EDF1: variants seen among roughly 807,000 people sequenced by gnomAD.
EDF1 encodes the protein endothelial differentiation related factor 1, also known as endothelial differentiation-related factor 1.
Under a neutral mutation model 20.8 loss-of-function variants are expected in EDF1, and 5 were observed. The observed-to-expected ratio is 0.24, with a 90% CI of 0.13 to 0.51. The LOEUF is 0.51. Ranked by LOEUF, EDF1 falls within the 20% of genes least tolerant of loss-of-function variation. The probability of loss-of-function intolerance (pLI) is 0.97; values close to 1 mark genes in which losing one functional copy is unlikely to be tolerated. For synonymous variants in EDF1, 96 were observed against 78.5 expected, an observed-to-expected ratio of 1.22 and a Z score of -1.18; for missense variants, 137 against 197.8, an observed-to-expected ratio of 0.69 and a Z score of 1.84.
In EDF1 at chr9:136,862,248, G is replaced by C. The variant is rs754579901; in HGVS notation, c.*36C>G. 52 of 1,612,654 alleles carry C rather than the reference G, an allele frequency of 3.2e-5. No individual in the cohort carries two copies. Among genetic ancestry groups the C allele is most frequent in the Non-Finnish European group, 4.0e-5 (47 of 1,178,856 alleles). On this transcript the variant is annotated 3_prime_UTR_variant, in exon 5 of 5. Coordinates refer to ENST00000224073, the MANE Select transcript of EDF1 (RefSeq NM_003792.4). The surrounding 1 kb of genome is among the most constrained non-coding windows in gnomAD (Gnocchi z 4.1). ...CGGCCAAGGGGAACCGGCGGAACGA[G>C]ATCAGCTGGAGCGCACTGATTTCGA... is the stretch of plus-strand genomic sequence containing the variant.
Position 136,862,237 on chromosome 9 carries a change from C to G in EDF1, c.*47G>C. On this transcript the variant is annotated 3_prime_UTR_variant, in exon 5 of 5. Transcript: ENST00000224073. The surrounding 1 kb of genome is among the most constrained non-coding windows in gnomAD (Gnocchi z 4.1). ...AACGGAACTGGCGGCCAAGGGGAACCGGCGGAACGAGATCAGCTGGAGCGC... is the reference window on the plus strand; with the variant it reads ...AACGGAACTGGCGGCCAAGGGGAACGGGCGGAACGAGATCAGCTGGAGCGC... The G allele has an allele frequency of 6.2e-7, 1 of 1,611,524 alleles. No individual in the cohort carries two copies. The highest frequency in any genetic ancestry group is 8.5e-7 in the Non-Finnish European group (1 of 1,177,876).
rs760430175 is a variant in EDF1, at chr9:136,862,520, G to A, written c.386-175C>T. 51 of 1,608,082 alleles carry A rather than the reference G, an allele frequency of 3.2e-5. No homozygotes were observed. The highest frequency in any genetic ancestry group is 4.1e-5 in the Non-Finnish European group (48 of 1,179,574). On this transcript the variant is annotated intron_variant, in intron 4 of 4. Coordinates refer to ENST00000224073, the MANE Select transcript of EDF1 (RefSeq NM_003792.4). This position sits in a 1 kb window ranked among gnomAD's most constrained non-coding sequence, Gnocchi z 4.1. ...ATCTAATTTTGAAGAGGATGAGTCTGATCACCTTAGACAGCAGAGCATGAA... is the reference window on the plus strand; with the variant it reads ...ATCTAATTTTGAAGAGGATGAGTCTAATCACCTTAGACAGCAGAGCATGAA...
Position 136,862,508 on chromosome 9 carries a change from G to A in EDF1, c.386-163C>T, listed in dbSNP as rs1281406554. 1.9e-6 allele frequency: 3 copies of A among 1,610,656 alleles called. No homozygotes were observed. Among genetic ancestry groups the A allele is most frequent in the Non-Finnish European group, 2.5e-6 (3 of 1,179,784 alleles). The stretch of plus-strand genomic sequence containing the variant: ...CCTGGTTCCCACATCTAATTTTGAA[G>A]AGGATGAGTCTGATCACCTTAGACA... On this transcript the variant is annotated intron_variant, in intron 4 of 4. Transcript: ENST00000224073. The surrounding 1 kb of genome is among the most constrained non-coding windows in gnomAD (Gnocchi z 4.1).
In EDF1 at chr9:136,866,262, G is replaced by A. The variant is rs1281591353; in HGVS notation, c.-4C>T. On this transcript the variant is annotated 5_prime_UTR_variant, in exon 1 of 5. Coordinates refer to ENST00000224073, the MANE Select transcript of EDF1 (RefSeq NM_003792.4). ...TGTCCCAGTCGCTCTCGGCCATGGC[G>A]GGCGAAGACGAGCGTCCGTCCGGCG... 2.5e-6 allele frequency: 4 copies of A among 1,595,338 alleles called. No homozygotes were observed. Among genetic ancestry groups the A allele is most frequent in the East Asian group, 2.3e-5 (1 of 42,798 alleles).
chr9:136,864,797 G>C (rs1489068350), intron 1 of EDF1, among the ~76,000 whole-genome samples: 2 of 151,846 alleles, frequency 1.3e-5, no homozygotes, highest in Admixed American at 6.6e-5. Context: ...CTAATTTTTT[G>C]TATTTTTAGT....
In EDF1 at chr9:136,862,229, A is replaced by G; in HGVS notation, c.*55T>C. The G allele has an allele frequency of 6.2e-7, 1 of 1,610,218 alleles. No individual in the cohort carries two copies. The highest frequency in any genetic ancestry group is 1.1e-5 in the South Asian group (1 of 91,018). On this transcript the variant is annotated 3_prime_UTR_variant, in exon 5 of 5. Transcript: ENST00000224073. The surrounding 1 kb of genome is among the most constrained non-coding windows in gnomAD (Gnocchi z 4.1). ...GTGAGGAGAACGGAACTGGCGGCCA[A>G]GGGGAACCGGCGGAACGAGATCAGC...
intron 1 of EDF1, among the ~76,000 whole-genome samples, chr9:136,865,891 C>T (rs896045587): frequency 6.7e-6 from 1 of 150,276 alleles, no homozygotes; most frequent in African/African-American, 2.5e-5. Context: ...CGTCCGGTTC[C>T]CTGCTCCTCT....
rs759437860 is a variant in EDF1, at chr9:136,862,933, C to G, written c.358G>C (p.Val120Leu). 6.2e-7 allele frequency: 1 copy of G among 1,613,958 alleles called. No individual in the cohort carries two copies. Among genetic ancestry groups the G allele is most frequent in the Non-Finnish European group, 8.5e-7 (1 of 1,180,038 alleles). Residue 120 changes from valine (V) to leucine (L), a missense_variant, in exon 4 of 5, where the codon GTG becomes CTG. Val to Leu is a conservative substitution (Grantham distance 32). Transcript: ENST00000224073. The surrounding 1 kb of genome is among the most constrained non-coding windows in gnomAD (Gnocchi z 4.1). ...ATGGCCCGCTCGATTTTGCCAAGCA[C>G]CTGGTTATTGGGTATGGCCCGTCCG... ...ESGRAIPNNQ[V>L]LGKIERAIGL...
chr9:136,862,238 G>C lies in EDF1; in HGVS notation c.*46C>G. 1 of 1,611,904 alleles carries C rather than the reference G, an allele frequency of 6.2e-7. No individual in the cohort carries two copies. The highest frequency in any genetic ancestry group is 8.5e-7 in the Non-Finnish European group (1 of 1,178,158). On this transcript the variant is annotated 3_prime_UTR_variant, in exon 5 of 5. Coordinates refer to ENST00000224073, the MANE Select transcript of EDF1 (RefSeq NM_003792.4). This position sits in a 1 kb window ranked among gnomAD's most constrained non-coding sequence, Gnocchi z 4.1. ...ACGGAACTGGCGGCCAAGGGGAACCGGCGGAACGAGATCAGCTGGAGCGCA... is the reference window on the plus strand; with the variant it reads ...ACGGAACTGGCGGCCAAGGGGAACCCGCGGAACGAGATCAGCTGGAGCGCA...
In EDF1 at chr9:136,863,549, C is replaced by A; in HGVS notation, c.131-101G>T. 1 of 1,445,226 alleles carries A rather than the reference C, an allele frequency of 6.9e-7. No individual in the cohort carries two copies. 89.5% of individuals were successfully genotyped at this position (1,445,226 alleles called of 1,614,324 possible). A position where few individuals can be genotyped will look rare whatever the true frequency, so the allele number is the denominator to read the frequency against. On this transcript the variant is annotated intron_variant, in intron 2 of 4. Transcript: ENST00000224073. The surrounding 1 kb of genome is among the most constrained non-coding windows in gnomAD (Gnocchi z 4.5). ...CCAGACCCCAGAGGCTGCCTGAACT[C>A]AAGGGGACATGGGAACCCAGGCTGT...
At position 136,863,188 on chromosome 9, in the gene EDF1, C is replaced by T. The variant is rs1564392158; in HGVS notation, c.291+100G>A. The T allele has an allele frequency of 3.2e-5, 50 of 1,546,602 alleles. No individual in the cohort carries two copies. Among genetic ancestry groups the T allele is most frequent in the Non-Finnish European group, 4.1e-5 (47 of 1,145,842 alleles). ...TCCCGAGGCATTCCCTGCAGGGGAA[C>T]CAGGGGGGTGGAGCCCACCCTCCCC... On this transcript the variant is annotated intron_variant, in intron 3 of 4. Coordinates refer to ENST00000224073, the MANE Select transcript of EDF1 (RefSeq NM_003792.4). The surrounding 1 kb of genome is among the most constrained non-coding windows in gnomAD (Gnocchi z 4.5).
In EDF1 at chr9:136,863,890, T is replaced by G. The variant is rs749465515; in HGVS notation, c.79-19A>C. On this transcript the variant is annotated intron_variant, in intron 1 of 4. Transcript: ENST00000224073. This position sits in a 1 kb window ranked among gnomAD's most constrained non-coding sequence, Gnocchi z 4.5. ...AGATAGCCTAGAAAATTAGAAAACA[T>G]CAGTGGATCAAAATTAGCTTTGACA... 3 of 1,613,490 alleles carry G rather than the reference T, an allele frequency of 1.9e-6. No homozygotes were observed. The African/African-American group carries it at 4.0e-5, about 22-fold the overall frequency.
chr9:136,862,862 C>T lies in EDF1; in HGVS notation c.385+44G>A. The T allele has an allele frequency of 1.2e-6, 2 of 1,612,132 alleles. No individual in the cohort carries two copies. The highest frequency in any genetic ancestry group is 1.7e-6 in the Non-Finnish European group (2 of 1,179,930). On this transcript the variant is annotated intron_variant, in intron 4 of 4. Transcript: ENST00000224073. This position sits in a 1 kb window ranked among gnomAD's most constrained non-coding sequence, Gnocchi z 4.1. ...ACCAACCCCAGCTGGGAGCGGGTAG[C>T]CTCCCTGTTCAGCGGACCCGGCGAA...
Position 136,862,979 on chromosome 9 carries a change from C to T in EDF1, c.312G>A (p.Gln104=). 6.2e-7 allele frequency: 1 copy of T among 1,614,036 alleles called. No individual in the cohort carries two copies. Among genetic ancestry groups the T allele is most frequent in the African/African-American group, 1.3e-5 (1 of 75,076 alleles). Residue 104 remains glutamine, a synonymous_variant, in exon 4 of 5, where the codon CAG becomes CAA. Coordinates refer to ENST00000224073, the MANE Select transcript of EDF1 (RefSeq NM_003792.4). This position sits in a 1 kb window ranked among gnomAD's most constrained non-coding sequence, Gnocchi z 4.1. ...GTCCGCTCTCATAGTCCGCGATCAC[C>T]TGTGGCTTCTCATTGATTTTCTAAA... is the stretch of plus-strand genomic sequence containing the variant. ...DLATKINEKP[Q]VIADYESGRA...
At chr9:136,864,644 G>A (rs1376792759) in intron 1 of EDF1, among the ~76,000 whole-genome samples, 3 of 150,482 alleles carry the variant, frequency 2.0e-5, no homozygotes, top group Non-Finnish European at 3.0e-5. Context: ...TTTTTTTTGA[G>A]ACAGAGTCTC....
In EDF1 at chr9:136,863,278, G is replaced by A. The variant is rs375547795; in HGVS notation, c.291+10C>T. ...CAACCCCAGGAGTGAGAGCCCCGGCGCAGCCTCACCGTGGCCAGGTCCTTC... is the reference window on the plus strand; with the variant it reads ...CAACCCCAGGAGTGAGAGCCCCGGCACAGCCTCACCGTGGCCAGGTCCTTC... On this transcript the variant is annotated intron_variant, in intron 3 of 4. Coordinates refer to ENST00000224073, the MANE Select transcript of EDF1 (RefSeq NM_003792.4). This position sits in a 1 kb window ranked among gnomAD's most constrained non-coding sequence, Gnocchi z 4.5. 163 of 1,609,288 alleles carry A rather than the reference G, an allele frequency of 1.0e-4. No individual in the cohort carries two copies. Among genetic ancestry groups the A allele is most frequent in the African/African-American group, 9.9e-4 (74 of 74,972 alleles).
chr9:136,863,946 G>T lies in EDF1; in HGVS notation c.79-75C>A. ...CAGCACACACCAATTCAGGCCTGCT[G>T]TTAGCCAGTTAGCACACTGCTAAGG... On this transcript the variant is annotated intron_variant, in intron 1 of 4. Transcript: ENST00000224073. The surrounding 1 kb of genome is among the most constrained non-coding windows in gnomAD (Gnocchi z 4.5). 6.7e-7 allele frequency: 1 copy of T among 1,481,702 alleles called. No homozygotes were observed. The highest frequency in any genetic ancestry group is 9.4e-7 in the Non-Finnish European group (1 of 1,067,172). The allele number at this position is 1,481,702 out of a possible 1,614,324, so 91.8% of individuals were successfully genotyped here. A position where few individuals can be genotyped will look rare whatever the true frequency, so the allele number is the denominator to read the frequency against.
At position 136,863,193 on chromosome 9, in the gene EDF1, G is replaced by C. The variant is rs542461083; in HGVS notation, c.291+95C>G. 1.2e-5 allele frequency: 19 copies of C among 1,545,490 alleles called. No individual in the cohort carries two copies. The highest frequency in any genetic ancestry group is 2.3e-4 in the Middle Eastern group (1 of 4,260). ...AGGCATTCCCTGCAGGGGAACCAGGGGGGTGGAGCCCACCCTCCCCGTGCT... is the reference window on the plus strand; with the variant it reads ...AGGCATTCCCTGCAGGGGAACCAGGCGGGTGGAGCCCACCCTCCCCGTGCT... On this transcript the variant is annotated intron_variant, in intron 3 of 4. Coordinates refer to ENST00000224073, the MANE Select transcript of EDF1 (RefSeq NM_003792.4). The surrounding 1 kb of genome is among the most constrained non-coding windows in gnomAD (Gnocchi z 4.5).
In EDF1 at chr9:136,863,007, G is replaced by A; in HGVS notation, c.292-8C>T. ...TGGCTTCTCATTGATTTTCTAAAGA[G>A]AAGATGTGCTTTATACACATCAGCT... On this transcript the variant is annotated splice_polypyrimidine_tract_variant and splice_region_variant and intron_variant, in intron 3 of 4. Coordinates refer to ENST00000224073, the MANE Select transcript of EDF1 (RefSeq NM_003792.4). This position sits in a 1 kb window ranked among gnomAD's most constrained non-coding sequence, Gnocchi z 4.5. 6.2e-7 allele frequency: 1 copy of A among 1,613,772 alleles called. No homozygotes were observed. Among genetic ancestry groups the A allele is most frequent in the Non-Finnish European group, 8.5e-7 (1 of 1,180,020 alleles).
Sources: gnomAD v4.1 joint callset for allele counts (sites outside exome capture counted in the v4.1 genomes callset) on GRCh38, gnomAD v4.1.1 for gene constraint, Gnocchi (gnomAD v3.1) non-coding constraint, MANE v1.5 for transcripts, NCBI Gene and HGNC (gene_info 2026-07-23, HGNC 2026-07-21) for gene names.